The following SNX13 variants were observed in gnomAD, a reference collection of about 807,000 sequenced individuals.
SNX13 encodes sorting nexin-13.
A neutral mutation model predicts 133.6 loss-of-function variants in SNX13; 45 were observed. The ratio of observed to expected loss-of-function variants is 0.34; its 90% confidence interval spans 0.27 to 0.43. The LOEUF (loss-of-function observed/expected upper bound fraction) is 0.43. Ranked by LOEUF, SNX13 falls within the 20% of genes least tolerant of loss-of-function variation. The pLI is 1.00. For synonymous variants in SNX13, 414 were observed against 373.9 expected (o/e 1.11, Z -1.24); for missense variants, 1,032 against 1,145.1 (o/e 0.90, Z 1.43).
intron 5 of SNX13, chr7:17,881,215 TATAC>T (rs1795299668): frequency 6.8e-6 from 1 of 146,288 alleles, no homozygotes; most frequent in Admixed American, 7.0e-5. Context: ...AATGTGTAGG[TATAC>T]ATAGACACTA....
intron 1 of SNX13, chr7:17,900,265 G>A (rs1797673495): frequency 6.6e-6 from 1 of 152,420 alleles, no homozygotes; most frequent in Non-Finnish European, 1.5e-5. Context: ...CATACCTGAA[G>A]TCAACAAAGC....
chr7:17,901,919 G>A (rs954741785), intron 1 of SNX13, among the ~76,000 whole-genome samples: 4 of 152,076 alleles, frequency 2.6e-5, no homozygotes, highest in Non-Finnish European at 4.4e-5. Context: ...TTTTTAACCA[G>A]TTGTTAGGAC....
chr7:17,836,912 A>T (rs1233419076), intron 13 of SNX13, among the ~76,000 whole-genome samples: 1 of 152,040 alleles, frequency 6.6e-6, no homozygotes, highest in Non-Finnish European at 1.5e-5. Context: ...TGACTTTTCT[A>T]TCGAGTCCAT....
In SNX13 at chr7:17,803,540, T is replaced by G. The variant is rs111462281; in HGVS notation, c.2105A>C (p.Asn702Thr). The G allele has an allele frequency of 3.1e-6, 5 of 1,611,566 alleles. No individual in the cohort carries two copies. The highest frequency in any genetic ancestry group is 4.2e-6 in the Non-Finnish European group (5 of 1,178,846). Reference protein sequence around the residue: ...FVNPLRNSMRNVSNAVKSLPD... With the variant: ...FVNPLRNSMRTVSNAVKSLPD... ...AAGGGATTTAACTGCATTTGAAACATTCCTCATTGAATTGCGAAGTGGATT... is the reference window on the plus strand; with the variant it reads ...AAGGGATTTAACTGCATTTGAAACAGTCCTCATTGAATTGCGAAGTGGATT... The change falls in exon 21 of 26, where the codon AAT (asparagine) becomes ACT (threonine). Residue 702 changes from asparagine (N) to threonine (T), a missense_variant. Asn to Thr is a moderately conservative substitution (Grantham distance 65). Transcript: ENST00000428135.
At chr7:17,830,592 A>T (rs1025100687) in intron 15 of SNX13, 31 of 983,762 alleles carry the variant, frequency 3.2e-5, no homozygotes, top group Non-Finnish European at 3.6e-5. Context: ...TAACAAAAAG[A>T]CAGTTAAAAC....
At chr7:17,809,282 C>CAAAGA (rs1785706366) in intron 20 of SNX13, among the ~76,000 whole-genome samples, 1 of 49,272 alleles carries the variant, frequency 2.0e-5, no homozygotes, top group Non-Finnish European at 3.5e-5. Flanking sequence ...AGATGGAAAG[C>CAAAGA]AAAAAAAAAA....
chr7:17,859,907 T>A (rs1176229966), intron 9 of SNX13, among the ~76,000 whole-genome samples: 1 of 152,180 alleles, frequency 6.6e-6, no homozygotes, highest in African/African-American at 2.4e-5. Flanking sequence ...CATCTGTTGA[T>A]AGACACTTAA....
intron 12 of SNX13, among the ~76,000 whole-genome samples, chr7:17,844,236 AT>A (rs1583448880): frequency 6.6e-6 from 1 of 152,002 alleles, no homozygotes; most frequent in East Asian, 1.9e-4. Context: ...AAGTGGGGAT[AT>A]TACTAATGAC....
At chr7:17,845,968 T>C (rs925555226) in intron 11 of SNX13, among the ~76,000 whole-genome samples, 2 of 152,180 alleles carry the variant, frequency 1.3e-5, no homozygotes, top group East Asian at 3.8e-4. Context: ...TTTCAATTAT[T>C]CTCTATCTCT....
At chr7:17,867,423 A>G (rs1793524814) in intron 9 of SNX13, among the ~76,000 whole-genome samples, 1 of 152,100 alleles carries the variant, frequency 6.6e-6, no homozygotes, top group African/African-American at 2.4e-5. Flanking sequence ...CTAGGGCTAC[A>G]TAGCAAAACC....
rs1307760056 is a variant in SNX13, at chr7:17,863,389, A to C, written c.837+5018T>G. 3.3e-5 allele frequency among the ~76,000 whole-genome samples: 5 copies of C among 152,258 alleles called. 1 individual carries two copies. The highest frequency in any genetic ancestry group is 3.4e-3 in the Middle Eastern group (1 of 294). On this transcript the variant is annotated intron_variant, in intron 9 of 25. Coordinates refer to ENST00000428135, the MANE Select transcript of SNX13 (RefSeq NM_015132.5). Reference sequence around the variant, plus strand: ...TCTGTGTCATCCCTCCACCACTTCCAGGCAGTGTAACTCCAGCAAAGACTC... The same window carrying C: ...TCTGTGTCATCCCTCCACCACTTCCCGGCAGTGTAACTCCAGCAAAGACTC...
chr7:17,804,862 T>C (rs1340032536), intron 20 of SNX13, among the ~76,000 whole-genome samples: 1 of 152,150 alleles, frequency 6.6e-6, no homozygotes, highest in Non-Finnish European at 1.5e-5. Context: ...ATAGCAACGT[T>C]AATAGATGGT....
At chr7:17,864,843 AG>A (rs1209772494) in intron 9 of SNX13, among the ~76,000 whole-genome samples, 2 of 151,904 alleles carry the variant, frequency 1.3e-5, no homozygotes, top group African/African-American at 4.8e-5. Flanking sequence ...GAGGAGGAGG[AG>A]GAGCAGCAGC....
At chr7:17,847,976 G>A (rs140486625) in intron 11 of SNX13, among the ~76,000 whole-genome samples, 5 of 152,180 alleles carry the variant, frequency 3.3e-5, no homozygotes, top group Admixed American at 1.3e-4. Context: ...GGTCCCTGGC[G>A]AAACACCACC....
intron 13 of SNX13, among the ~76,000 whole-genome samples, chr7:17,837,834 A>G (rs1279196063): frequency 6.8e-6 from 1 of 146,366 alleles, no homozygotes; most frequent in Non-Finnish European, 1.5e-5. Context: ...CTGGTGACAC[A>G]TTTTTTTTTT....
chr7:17,918,638 A>G (rs1427689381), intron 1 of SNX13, among the ~76,000 whole-genome samples: 1 of 152,218 alleles, frequency 6.6e-6, no homozygotes, highest in African/African-American at 2.4e-5. Flanking sequence ...AGAAAAAGGA[A>G]ATGTTAATAC....
At chr7:17,809,608 G>A (rs1785761072) in intron 20 of SNX13, among the ~76,000 whole-genome samples, 1 of 152,072 alleles carries the variant, frequency 6.6e-6, no homozygotes, top group African/African-American at 2.4e-5. Flanking sequence ...CTCAGCTGTG[G>A]ACCAAGCGGA....
chr7:17,839,759 T>C (rs780367147), intron 13 of SNX13, 48 bp downstream of exon 13: 1 of 1,467,568 alleles, frequency 6.8e-7, no homozygotes, highest in Non-Finnish European at 9.1e-7. Flanking sequence ...ACAAAAATTA[T>C]TAATAATACT....
chr7:17,841,053 T>C (rs936622863), intron 12 of SNX13, among the ~76,000 whole-genome samples: 14 of 152,050 alleles, frequency 9.2e-5, no homozygotes, highest in Non-Finnish European at 1.5e-4. Flanking sequence ...ACACAGCAAG[T>C]AGGAACCAGG....
Sources: allele counts gnomAD v4.1 joint callset (sites outside exome capture counted in the v4.1 genomes callset), GRCh38; gene constraint gnomAD v4.1.1; transcripts MANE v1.5; gene names NCBI Gene and HGNC (gene_info 2026-07-23, HGNC 2026-07-21).